Variants in MANBA observed in about 807,000 individuals in gnomAD.
MANBA encodes beta-mannosidase.
Under a neutral mutation model 111.1 loss-of-function variants are expected in MANBA, and 83 were observed. The ratio of observed to expected loss-of-function variants is 0.75; its 90% CI spans 0.63 to 0.90. The LOEUF (loss-of-function observed/expected upper bound fraction) is 0.90, where lower values mean the gene tolerates loss of function less well. Ranked by LOEUF, MANBA falls within the 40% of genes least tolerant of loss-of-function variation. MANBA has a pLI of 0.00. For synonymous variants in MANBA, 370 were observed against 378.7 expected (o/e 0.98, Z 0.27); for missense variants, 1,036 against 1,069.0 (o/e 0.97, Z 0.43).
intron 6 of MANBA, 82 bp from the exon 7 acceptor site, chr4:102,689,766 T>C (rs1321739115): frequency 3.7e-6 from 3 of 816,656 alleles, no homozygotes; most frequent in Non-Finnish European, 4.3e-6. Context: ...ATTTCTCAAA[T>C]AGTCAAGTAC....
chr4:102,631,730 T>C lies in MANBA; in HGVS notation c.*327A>G, dbSNP rs1385927942. ...CCATTTGGTTCCATAGATCCTGCCA[T>C]GTCACATTCTTGTAACCAGCTGCAG... On this transcript the variant is annotated 3_prime_UTR_variant, in exon 17 of 17. Coordinates refer to ENST00000647097, the MANE Select transcript of MANBA (RefSeq NM_005908.4). The C allele has an allele frequency of 1.1e-5, 6 of 561,110 alleles. No homozygotes were observed. Among genetic ancestry groups the C allele is most frequent in the Non-Finnish European group, 9.4e-6 (3 of 318,738 alleles). The allele number at this position is 561,110 out of a possible 1,614,324, so 34.8% of individuals were successfully genotyped here.
chr4:102,665,261 C>G (rs1439824846), intron 10 of MANBA: 6 of 207,492 alleles, frequency 2.9e-5, no homozygotes, highest in Non-Finnish European at 1.9e-5. Context: ...AATTGGAGTT[C>G]TGTGTGAAGA....
Position 102,650,780 on chromosome 4 carries a change from G to A in MANBA, c.1705-79C>T. On this transcript the variant is annotated intron_variant, in intron 12 of 16. Transcript: ENST00000647097. ...TTTCTATAAGTTCCTGACAAACCTG[G>A]AAAGTATCCTAAACACTAGAGAAGA... is the stretch of plus-strand genomic sequence containing the variant. 2.6e-6 allele frequency: 3 copies of A among 1,147,568 alleles called. No individual in the cohort carries two copies. In the South Asian group the frequency reaches 3.8e-5, roughly 14 times the overall value. 71.1% of individuals were successfully genotyped at this position (1,147,568 alleles called of 1,614,324 possible).
chr4:102,726,378 C>T (rs1722800639), intron 2 of MANBA, among the ~76,000 whole-genome samples: 1 of 151,980 alleles, frequency 6.6e-6, no homozygotes, highest in Non-Finnish European at 1.5e-5. Flanking sequence ...TAGCACCATC[C>T]TCATATACAA....
chr4:102,712,094 A>G (rs1722094280), intron 5 of MANBA, among the ~76,000 whole-genome samples: 1 of 152,226 alleles, frequency 6.6e-6, no homozygotes, highest in African/African-American at 2.4e-5. Context: ...GAGAAATGAT[A>G]AATACTAGAG....
chr4:102,746,472 A>G (rs973305376), intron 1 of MANBA, among the ~76,000 whole-genome samples: 5 of 152,092 alleles, frequency 3.3e-5, no homozygotes, highest in African/African-American at 1.2e-4. Context: ...TTTTTCTTTC[A>G]TCACTTTGTC....
chr4:102,669,393 C>G (rs1731385350), intron 9 of MANBA, among the ~76,000 whole-genome samples: 1 of 152,162 alleles, frequency 6.6e-6, no homozygotes, highest in Admixed American at 6.5e-5. Flanking sequence ...CCAATTTTCA[C>G]CAGGCATTTG....
intron 11 of MANBA, among the ~76,000 whole-genome samples, chr4:102,664,427 C>A (rs1467003377): frequency 2.0e-5 from 3 of 151,860 alleles, no homozygotes; most frequent in African/African-American, 7.3e-5. Flanking sequence ...CGGCTCACTG[C>A]AAGCTCTACC....
At chr4:102,756,930 AT>A (rs554775274) in intron 1 of MANBA, among the ~76,000 whole-genome samples, 2 of 152,124 alleles carry the variant, frequency 1.3e-5, no homozygotes, top group Non-Finnish European at 2.9e-5. Flanking sequence ...TATGGAAATT[AT>A]TTAGTTTTCT....
At chr4:102,709,838 G>A (rs543179954) in intron 5 of MANBA, among the ~76,000 whole-genome samples, 11 of 152,018 alleles carry the variant, frequency 7.2e-5, no homozygotes, top group Non-Finnish European at 1.0e-4. Flanking sequence ...TTTATCCCAG[G>A]GATGCAAGGA....
chr4:102,719,153 A>G (rs868735807), intron 4 of MANBA, among the ~76,000 whole-genome samples: 3 of 152,126 alleles, frequency 2.0e-5, no homozygotes, highest in Non-Finnish European at 4.4e-5. Flanking sequence ...CCTTATCTCA[A>G]CCGCATAAGA....
intron 1 of MANBA, chr4:102,751,652 A>T (rs1375328825): frequency 1.8e-6 from 1 of 542,090 alleles, no homozygotes; most frequent in East Asian, 5.4e-5. Flanking sequence ...TGGAAATAGA[A>T]TATGTGAAGT....
At chr4:102,670,686 A>G (rs1731455359) in intron 9 of MANBA, among the ~76,000 whole-genome samples, 1 of 152,130 alleles carries the variant, frequency 6.6e-6, no homozygotes, top group Non-Finnish European at 1.5e-5. Context: ...TCTACTAAAA[A>G]TACAAAAATT....
intron 10 of MANBA, chr4:102,666,117 G>C (rs1731208723): frequency 6.6e-6 from 1 of 152,234 alleles, no homozygotes; most frequent in Non-Finnish European, 1.5e-5. Flanking sequence ...GTGGCAAAAA[G>C]CTTCAGTAGC....
At chr4:102,751,423 T>C in intron 1 of MANBA, 1 of 482,676 alleles carries the variant, frequency 2.1e-6, no homozygotes. Flanking sequence ...CAAACACATT[T>C]CTACACCGAT....
intron 10 of MANBA, chr4:102,666,953 T>A (rs1434985810): frequency 6.6e-6 from 1 of 152,232 alleles, no homozygotes; most frequent in African/African-American, 2.4e-5. Flanking sequence ...CTTCCTTGCA[T>A]TTCTGTATGG....
chr4:102,755,361 G>C (rs1010560304), intron 1 of MANBA, among the ~76,000 whole-genome samples: 20 of 152,134 alleles, frequency 1.3e-4, no homozygotes, highest in Non-Finnish European at 2.8e-4. Context: ...ACAAAAACAA[G>C]AAATAGGGAA....
In MANBA at chr4:102,709,986, A is replaced by C. The variant is rs190207482; in HGVS notation, c.673+4452T>G. On this transcript the variant is annotated intron_variant, in intron 5 of 16. Coordinates refer to ENST00000647097, the MANE Select transcript of MANBA (RefSeq NM_005908.4). ...TCCCTTCATGATAAAAACTATCAACAAATTAGTCATAGAAGGAGCATACCT... is the reference window on the plus strand; with the variant it reads ...TCCCTTCATGATAAAAACTATCAACCAATTAGTCATAGAAGGAGCATACCT... Among the ~76,000 whole-genome samples the C allele has an allele frequency of 1.9e-4, 29 of 152,352 alleles. No homozygotes were observed. The East Asian group carries it at 5.2e-3, about 27-fold the overall frequency.
At chr4:102,636,807 G>A (rs763267367) in intron 14 of MANBA, among the ~76,000 whole-genome samples, 1 of 152,112 alleles carries the variant, frequency 6.6e-6, no homozygotes, top group Non-Finnish European at 1.5e-5. Flanking sequence ...TTTTCCTACT[G>A]TAATATTATT....
Sources: allele counts gnomAD v4.1 joint callset (sites outside exome capture counted in the v4.1 genomes callset), GRCh38; gene constraint gnomAD v4.1.1; transcripts MANE v1.5; gene names NCBI Gene and HGNC (gene_info 2026-07-23, HGNC 2026-07-21).